Variants in RNASEH2C observed in about 807,000 individuals in gnomAD.
RNASEH2C encodes the protein RNase H1 small subunit.
A neutral mutation model predicts 16.3 loss-of-function variants in RNASEH2C; 20 were observed. The ratio of observed to expected loss-of-function variants is 1.23; its 90% CI spans 0.86 to 1.79. RNASEH2C has a LOEUF of 1.79. Among genes scored for constraint, RNASEH2C ranks in the 40% most tolerant of loss-of-function variants. RNASEH2C has a pLI of 0.00. For missense variants in RNASEH2C, 296 were observed against 235.9 expected (o/e 1.25, Z -1.67); for synonymous variants, 106 against 98.9 (o/e 1.07, Z -0.43).
In RNASEH2C at chr11:65,718,349, G is replaced by A; in HGVS notation, c.*1434C>T. ...TTCACTGGCCTCTGATCACCCTCAT[G>A]GTTGACTGCAGCTGCTCCTCTCAGT... is the stretch of plus-strand genomic sequence containing the variant. On this transcript the variant is annotated 3_prime_UTR_variant, in exon 4 of 4. Transcript: ENST00000308418. 1 of 476,726 alleles carries A rather than the reference G, an allele frequency of 2.1e-6. No individual in the cohort carries two copies. The highest frequency in any genetic ancestry group is 3.8e-6 in the Non-Finnish European group (1 of 264,896). The allele number at this position is 476,726 out of a possible 1,614,324, so 29.5% of individuals were successfully genotyped here. A position where few individuals can be genotyped will look rare whatever the true frequency, so the allele number is the denominator to read the frequency against.
chr11:65,719,381 G>A lies in RNASEH2C; in HGVS notation c.*402C>T. ...CGGGCTCAGACCAACTCCAAGGTCA[G>A]CTGGCCACAGGCCCAGGCCTCCTCT... is the stretch of plus-strand genomic sequence containing the variant. On this transcript the variant is annotated 3_prime_UTR_variant, in exon 4 of 4. Coordinates refer to ENST00000308418, the MANE Select transcript of RNASEH2C (RefSeq NM_032193.4). 1 of 659,510 alleles carries A rather than the reference G, an allele frequency of 1.5e-6. No individual in the cohort carries two copies. The highest frequency in any genetic ancestry group is 2.6e-6 in the Non-Finnish European group (1 of 391,220). 40.9% of individuals were successfully genotyped at this position (659,510 alleles called of 1,614,324 possible).
Position 65,718,956 on chromosome 11 carries a change from TAGGGAGGCAGGCA to T in RNASEH2C, c.*814_*826del. On this transcript the variant is annotated 3_prime_UTR_variant, in exon 4 of 4. Coordinates refer to ENST00000308418, the MANE Select transcript of RNASEH2C (RefSeq NM_032193.4). ...CTCAATCTCATCAACTACTACAAGG[TAGGGAGGCAGGCA>T]GGGGAGACAGGTGTGTGGGATGCAG... The T allele has an allele frequency of 1.2e-6, 2 of 1,614,074 alleles. No individual in the cohort carries two copies. The highest frequency in any genetic ancestry group is 1.1e-5 in the South Asian group (1 of 91,076).
In RNASEH2C at chr11:65,720,141, G is replaced by C. The variant is rs1857346736; in HGVS notation, c.372C>G (p.Ala124=). The C allele has an allele frequency of 6.2e-7, 1 of 1,614,230 alleles. No individual in the cohort carries two copies. Among genetic ancestry groups the C allele is most frequent in the South Asian group, 1.1e-5 (1 of 91,090 alleles). ...CCCACAGGGTGAAGCGGCTGAAGTTGGCAGTGGCTCCAATGAAGCGGTCCT... is the reference window on the plus strand; with the variant it reads ...CCCACAGGGTGAAGCGGCTGAAGTTCGCAGTGGCTCCAATGAAGCGGTCCT... ...RDFDRFIGAT[A]NFSRFTLWGL... The change falls in exon 3 of 4, where the codon GCC becomes GCG. Residue 124 remains alanine, a synonymous_variant. Coordinates refer to ENST00000308418, the MANE Select transcript of RNASEH2C (RefSeq NM_032193.4).
Position 65,719,812 on chromosome 11 carries a change from G to C in RNASEH2C, c.469-3C>G, listed in dbSNP as rs1857335718. ...TCCTCGGGCACCTGTGCGTGAATCT[G>C]CAACAGGAGTCGCCTCTACTGTTGG... On this transcript the variant is annotated splice_region_variant and splice_polypyrimidine_tract_variant and intron_variant, in intron 3 of 3. Coordinates refer to ENST00000308418, the MANE Select transcript of RNASEH2C (RefSeq NM_032193.4). The C allele has an allele frequency of 6.2e-7, 1 of 1,614,120 alleles. No homozygotes were observed. The highest frequency in any genetic ancestry group is 8.5e-7 in the Non-Finnish European group (1 of 1,179,988).
chr11:65,720,719 C>G lies in RNASEH2C; in HGVS notation c.40G>C (p.Val14Leu). 6.3e-7 allele frequency: 1 copy of G among 1,597,850 alleles called. No individual in the cohort carries two copies. Among genetic ancestry groups the G allele is most frequent in the Non-Finnish European group, 8.5e-7 (1 of 1,176,030 alleles). The change falls in exon 1 of 4, where the codon GTC becomes CTC. Residue 14 changes from valine (V) to leucine (L), a missense_variant. Coordinates refer to ENST00000308418, the MANE Select transcript of RNASEH2C (RefSeq NM_032193.4). ...GDEAAIERHR[V>L]HLRSATLRDA... ...CGCAATGTGGCGGAGCGCAAGTGGACGCGGTGCCTCTCGATGGCCGCTTCG... is the reference window on the plus strand; with the variant it reads ...CGCAATGTGGCGGAGCGCAAGTGGAGGCGGTGCCTCTCGATGGCCGCTTCG...
chr11:65,718,772 G>A lies in RNASEH2C; in HGVS notation c.*1011C>T. 1 of 1,614,084 alleles carries A rather than the reference G, an allele frequency of 6.2e-7. No individual in the cohort carries two copies. The highest frequency in any genetic ancestry group is 8.5e-7 in the Non-Finnish European group (1 of 1,179,946). On this transcript the variant is annotated 3_prime_UTR_variant, in exon 4 of 4. Coordinates refer to ENST00000308418, the MANE Select transcript of RNASEH2C (RefSeq NM_032193.4). ...CAAGTGAGCCTGGCGCTGTCTACCT[G>A]GGGGTACATGGCATGGCTTGTCTGT...
rs1213830448 is a variant in RNASEH2C, at chr11:65,720,734, T to C, written c.25A>G (p.Ile9Val). 1 of 1,596,398 alleles carries C rather than the reference T, an allele frequency of 6.3e-7. No individual in the cohort carries two copies. The highest frequency in any genetic ancestry group is 2.3e-5 in the East Asian group (1 of 44,144). ...CGCAAGTGGACGCGGTGCCTCTCGA[T>C]GGCCGCTTCGTCGCCGCTCTCCATC... MESGDEAA[I>V]ERHRVHLRSA... Residue 9 changes from isoleucine (I) to valine (V), a missense_variant, in exon 1 of 4, where the codon ATC becomes GTC. Coordinates refer to ENST00000308418, the MANE Select transcript of RNASEH2C (RefSeq NM_032193.4).
Position 65,719,292 on chromosome 11 carries a change from C to G in RNASEH2C, c.*491G>C. On this transcript the variant is annotated 3_prime_UTR_variant, in exon 4 of 4. Transcript: ENST00000308418. Reference sequence around the variant, plus strand: ...ACTCTAAGGGAGATGGGGCTGAGGACAGCTCAAAAAGGAGAGGACAGGCCT... The same window carrying G: ...ACTCTAAGGGAGATGGGGCTGAGGAGAGCTCAAAAAGGAGAGGACAGGCCT... 7.5e-7 allele frequency: 1 copy of G among 1,335,102 alleles called. No individual in the cohort carries two copies. The highest frequency in any genetic ancestry group is 1.0e-6 in the Non-Finnish European group (1 of 979,860). 82.7% of individuals were successfully genotyped at this position (1,335,102 alleles called of 1,614,324 possible).
intron 3 of RNASEH2C, 48 bp downstream of exon 3, chr11:65,719,997 C>T (rs961618612): frequency 2.5e-5 from 41 of 1,610,328 alleles, no homozygotes; most frequent in Non-Finnish European, 3.4e-5. Flanking sequence ...CAATTGTGCT[C>T]CCCAGCCCAT....
rs1162169521 is a variant in RNASEH2C at position 65,718,642 on chromosome 11, C to T, written c.*1141G>A. ...AAACAGGGACCCCTGAGAAGCCCCT[C>T]TCAGACCTTGGCCTCCTATCCTATC... On this transcript the variant is annotated 3_prime_UTR_variant, in exon 4 of 4. Transcript: ENST00000308418. 1.2e-6 allele frequency: 2 copies of T among 1,614,118 alleles called. No homozygotes were observed. Among genetic ancestry groups the T allele is most frequent in the African/African-American group, 2.7e-5 (2 of 74,948 alleles).
chr11:65,719,145 C>T lies in RNASEH2C; in HGVS notation c.*638G>A. On this transcript the variant is annotated 3_prime_UTR_variant, in exon 4 of 4. Coordinates refer to ENST00000308418, the MANE Select transcript of RNASEH2C (RefSeq NM_032193.4). ...GGATCGACTCCAAGTGTCTGCACTT[C>T]ACTCCCAAGGACTGGAGCAAGAGGG... 6.2e-7 allele frequency: 1 copy of T among 1,614,222 alleles called. No homozygotes were observed.
In RNASEH2C at chr11:65,720,722, G is replaced by C. The variant is rs907041553; in HGVS notation, c.37C>G (p.Arg13Gly). The change falls in exon 1 of 4, where the codon CGC (arginine) becomes GGC (glycine). Residue 13 changes from arginine (R) to glycine (G), a missense_variant. Transcript: ENST00000308418. ...AATGTGGCGGAGCGCAAGTGGACGCGGTGCCTCTCGATGGCCGCTTCGTCG... is the reference window on the plus strand; with the variant it reads ...AATGTGGCGGAGCGCAAGTGGACGCCGTGCCTCTCGATGGCCGCTTCGTCG... ...SGDEAAIERH[R>G]VHLRSATLRD... is the part of the protein sequence containing the mutation. 6.3e-7 allele frequency: 1 copy of C among 1,597,450 alleles called. No homozygotes were observed.
Position 65,720,599 on chromosome 11 carries a change from G to A in RNASEH2C, c.160C>T (p.Gln54Ter). Residue 54 changes from glutamine to a stop codon, truncating the protein, a stop_gained, in exon 1 of 4, where the codon CAG becomes TAG. Coordinates refer to ENST00000308418, the MANE Select transcript of RNASEH2C (RefSeq NM_032193.4). LOFTEE classifies it high-confidence loss of function. ...CCGCAGGGCTCACCCTCGGGGCCCT[G>A]GCGGATGGCGGGCGTGAAGAAGCGC... ...VGRFFTPAIR[Q>*]GPEGLEVSFR... 1 of 1,538,618 alleles carries A rather than the reference G, an allele frequency of 6.5e-7. No individual in the cohort carries two copies. Among genetic ancestry groups the A allele is most frequent in the Non-Finnish European group, 8.7e-7 (1 of 1,146,000 alleles).
At position 65,720,315 on chromosome 11, in the gene RNASEH2C, G is replaced by C. The variant is rs920146077; in HGVS notation, c.275C>G (p.Ser92Trp). 1 of 1,613,974 alleles carries C rather than the reference G, an allele frequency of 6.2e-7. No individual in the cohort carries two copies. The highest frequency in any genetic ancestry group is 1.3e-5 in the African/African-American group (1 of 74,938). The change falls in exon 2 of 4, where the codon TCG becomes TGG. Residue 92 changes from serine (S) to tryptophan (W), a missense_variant. Coordinates refer to ENST00000308418, the MANE Select transcript of RNASEH2C (RefSeq NM_032193.4). ...CCGCAAGGGGTCTGGCTTCCCCATC[G>C]ACACCTTCTTCTCTTCTGTCACCAT... ...YVMVTEEKKV[S>W]MGKPDPLRDS...
At position 65,720,108 on chromosome 11, in the gene RNASEH2C, C is replaced by T. The variant is rs765193046; in HGVS notation, c.405G>A (p.Glu135=). ...NFSRFTLWGL[E]TIPGPDAKVR... is the part of the protein sequence containing the mutation. ...CTTTGGCATCCGGGCCAGGGATGGT[C>T]TCCAGACCCCACAGGGTGAAGCGGC... The change falls in exon 3 of 4, where the codon GAG becomes GAA. Residue 135 remains glutamate, a synonymous_variant. Coordinates refer to ENST00000308418, the MANE Select transcript of RNASEH2C (RefSeq NM_032193.4). 6.2e-7 allele frequency: 1 copy of T among 1,614,220 alleles called. No individual in the cohort carries two copies. Among genetic ancestry groups the T allele is most frequent in the South Asian group, 1.1e-5 (1 of 91,090 alleles).
Position 65,720,608 on chromosome 11 carries a change from C to T in RNASEH2C, c.151G>A (p.Ala51Thr), listed in dbSNP as rs912731829. ...TCACCCTCGGGGCCCTGGCGGATGG[C>T]GGGCGTGAAGAAGCGCCCCACCGGG... The part of the protein sequence containing the change: ...PAPVGRFFTP[A>T]IRQGPEGLEV... The change falls in exon 1 of 4, where the codon GCC (alanine) becomes ACC (threonine). Residue 51 changes from alanine to threonine, a missense_variant. Coordinates refer to ENST00000308418, the MANE Select transcript of RNASEH2C (RefSeq NM_032193.4). The T allele has an allele frequency of 1.0e-5, 16 of 1,542,094 alleles. No homozygotes were observed. The highest frequency in any genetic ancestry group is 1.3e-5 in the Non-Finnish European group (15 of 1,147,732).
In RNASEH2C at chr11:65,720,656, C is replaced by G; in HGVS notation, c.103G>C (p.Glu35Gln). 6.3e-7 allele frequency: 1 copy of G among 1,587,412 alleles called. No homozygotes were observed. Among genetic ancestry groups the G allele is most frequent in the Non-Finnish European group, 8.5e-7 (1 of 1,170,328 alleles). The change falls in exon 1 of 4, where the codon GAG becomes CAG. Residue 35 changes from glutamate to glutamine, a missense_variant. Coordinates refer to ENST00000308418, the MANE Select transcript of RNASEH2C (RefSeq NM_032193.4). ...GGGGCGGGCCCGTCCACCGCAACCT[C>G]GCAGGGCAGCAGATGCAGTGTGGCG... is the stretch of plus-strand genomic sequence containing the variant. ...VPATLHLLPC[E>Q]VAVDGPAPVG...
At position 65,720,388 on chromosome 11, in the gene RNASEH2C, G is replaced by C. The variant is rs1427683229; in HGVS notation, c.202C>G (p.Leu68Val). ...GLEVSFRGRC[L>V]RGEEVAVPPG... Reference sequence around the variant, plus strand: ...GGCACCGCCACCTCCTCTCCCCGTAGACAGCGGCCCCGAAACGACACTTCG... The same window carrying C: ...GGCACCGCCACCTCCTCTCCCCGTACACAGCGGCCCCGAAACGACACTTCG... The change falls in exon 2 of 4, where the codon CTA becomes GTA. Residue 68 changes from leucine (L) to valine (V), a missense_variant. Physicochemically the swap from Leu to Val is conservative, Grantham distance 32. Transcript: ENST00000308418. 1.2e-6 allele frequency: 2 copies of C among 1,614,154 alleles called. No individual in the cohort carries two copies. Among genetic ancestry groups the C allele is most frequent in the Non-Finnish European group, 1.7e-6 (2 of 1,180,052 alleles).
In RNASEH2C at chr11:65,718,785, A is replaced by G. The variant is rs776873216; in HGVS notation, c.*998T>C. The G allele has an allele frequency of 6.2e-7, 1 of 1,614,028 alleles. No individual in the cohort carries two copies. The highest frequency in any genetic ancestry group is 1.1e-5 in the South Asian group (1 of 91,080). ...CGCTGTCTACCTGGGGGTACATGGC[A>G]TGGCTTGTCTGTTCCTGGGCTTTCT... On this transcript the variant is annotated 3_prime_UTR_variant, in exon 4 of 4. Transcript: ENST00000308418.
Sources: allele counts gnomAD v4.1 joint callset, GRCh38; gene constraint gnomAD v4.1.1; transcripts MANE v1.5; gene names NCBI Gene and HGNC (gene_info 2026-07-23, HGNC 2026-07-21).